The following COG5 variants were observed in gnomAD, a reference collection of about 807,000 sequenced individuals.
The protein encoded by COG5 is conserved oligomeric Golgi complex subunit 5.
COG5 carries 86 observed loss-of-function variants against 110.4 expected under a neutral mutation model. The observed-to-expected ratio is 0.78, with a 90% CI of 0.65 to 0.93. The LOEUF is 0.93. COG5 is among the 40% of genes least tolerant of loss of function. The pLI is 0.00. For synonymous variants in COG5, 360 were observed against 334.6 expected (o/e 1.08, Z -0.83); for missense variants, 1,077 against 987.0 (o/e 1.09, Z -1.22).
intron 16 of COG5, among the ~76,000 whole-genome samples, chr7:107,254,835 G>T (rs1436317303): frequency 6.6e-6 from 1 of 152,138 alleles, no homozygotes; most frequent in Non-Finnish European, 1.5e-5. Context: ...TTAATCCAGA[G>T]AATGGACCTT....
intron 6 of COG5, among the ~76,000 whole-genome samples, chr7:107,438,339 T>C (rs1289980978): frequency 6.6e-6 from 1 of 152,186 alleles, no homozygotes; most frequent in Non-Finnish European, 1.5e-5. Context: ...TTCCATTAGT[T>C]TATTCCCATA....
chr7:107,416,793 T>C (rs1792880684), intron 6 of COG5, among the ~76,000 whole-genome samples: 1 of 152,164 alleles, frequency 6.6e-6, no homozygotes, highest in African/African-American at 2.4e-5. Flanking sequence ...GATGGGACGT[T>C]ATAGGAAAAG....
At chr7:107,522,046 C>T (rs1800357834) in intron 6 of COG5, among the ~76,000 whole-genome samples, 1 of 152,144 alleles carries the variant, frequency 6.6e-6, no homozygotes, top group Non-Finnish European at 1.5e-5. Flanking sequence ...TGCACATTCT[C>T]ACTCGTAAAT....
chr7:107,457,363 A>G (rs201046620), intron 6 of COG5, among the ~76,000 whole-genome samples: 21,153 of 130,772 alleles, frequency 0.16, 1,757 homozygotes, highest in Middle Eastern at 0.24. Flanking sequence ...CTATGAGGAG[A>G]AAAAAAAAAA....
At chr7:107,348,486 GGATGGCT>G (rs1377734173) in intron 10 of COG5, among the ~76,000 whole-genome samples, 1 of 152,076 alleles carries the variant, frequency 6.6e-6, no homozygotes, top group African/African-American at 2.4e-5. Flanking sequence ...ACAGGACTGT[GGATGGCT>G]TCTAATTCTA....
intron 5 of COG5, among the ~76,000 whole-genome samples, chr7:107,544,431 C>A (rs138878556): frequency 6.6e-6 from 1 of 152,324 alleles, no homozygotes; most frequent in African/African-American, 2.4e-5. Context: ...AAGGGGCCAG[C>A]TTGGCACTGT....
At chr7:107,300,255 C>T (rs1584644261) in intron 11 of COG5, among the ~76,000 whole-genome samples, 2 of 152,024 alleles carry the variant, frequency 1.3e-5, no homozygotes, top group African/African-American at 2.4e-5. Flanking sequence ...AATACTTTTG[C>T]TCAAAAATCA....
At chr7:107,260,984 GTC>G (rs1456338320) in intron 14 of COG5, among the ~76,000 whole-genome samples, 2 of 150,388 alleles carry the variant, frequency 1.3e-5, no homozygotes, top group Admixed American at 6.6e-5. Flanking sequence ...AGGAAATATA[GTC>G]TCCCCTCAGT....
chr7:107,480,641 C>T (rs775619996), intron 6 of COG5, among the ~76,000 whole-genome samples: 1 of 151,992 alleles, frequency 6.6e-6, no homozygotes, highest in South Asian at 2.1e-4. Context: ...TGAAGATTGA[C>T]TTTTTTCTAA....
At chr7:107,316,657 CAAAAAAAA>C (rs760555445) in intron 11 of COG5, among the ~76,000 whole-genome samples, 8 of 75,918 alleles carry the variant, frequency 1.1e-4, no homozygotes, top group East Asian at 7.6e-4. Flanking sequence ...ACTAAAAATA[CAAAAAAAA>C]AAAAAAAAAA....
At chr7:107,287,884 T>C (rs1805777234) in intron 12 of COG5, among the ~76,000 whole-genome samples, 1 of 152,228 alleles carries the variant, frequency 6.6e-6, no homozygotes, top group African/African-American at 2.4e-5. Context: ...TTTCATTGTA[T>C]GAATATAGCA....
chr7:107,431,744 G>T (rs975426070), intron 6 of COG5, among the ~76,000 whole-genome samples: 4 of 151,942 alleles, frequency 2.6e-5, no homozygotes, highest in African/African-American at 9.7e-5. Context: ...CAAGCCTCAG[G>T]ATACTGAGGC....
rs1250251692 is a variant in COG5, at chr7:107,474,012, G to C, written c.538+53225C>G. On this transcript the variant is annotated intron_variant, in intron 6 of 21. Transcript: ENST00000297135. The surrounding 1 kb of genome is among the most constrained non-coding windows in gnomAD (Gnocchi z 5.7). ...CATTTAAATTGCCAAATATCAAATA[G>C]TTTATTCTATTTCACTTTCTAGGGA... 1.0e-6 allele frequency: 1 copy of C among 957,258 alleles called. No homozygotes were observed. Among genetic ancestry groups the C allele is most frequent in the Non-Finnish European group, 1.6e-6 (1 of 628,430 alleles). The allele number at this position is 957,258 out of a possible 1,614,324, so 59.3% of individuals were successfully genotyped here.
intron 6 of COG5, among the ~76,000 whole-genome samples, chr7:107,492,493 A>G (rs1470570862): frequency 6.6e-6 from 1 of 152,010 alleles, no homozygotes; most frequent in Non-Finnish European, 1.5e-5. Context: ...CTTAGGGGAG[A>G]ATCTGTTTCC....
intron 1 of COG5, among the ~76,000 whole-genome samples, chr7:107,559,400 T>C (rs1222787383): frequency 1.3e-5 from 2 of 152,114 alleles, no homozygotes; most frequent in Non-Finnish European, 1.5e-5. Flanking sequence ...TTGAGAGAGA[T>C]TATGAAACAA....
chr7:107,563,550 G>A (rs1012749513), intron 1 of COG5: 8 of 495,004 alleles, frequency 1.6e-5, no homozygotes, highest in South Asian at 6.6e-5. Flanking sequence ...GGCATGGGGG[G>A]GGGGGGGGTC....
chr7:107,524,777 C>A (rs1350416044), intron 6 of COG5, among the ~76,000 whole-genome samples: 1 of 152,160 alleles, frequency 6.6e-6, no homozygotes, highest in African/African-American at 2.4e-5. Flanking sequence ...GATCATTCCA[C>A]CATGAACTAT....
At chr7:107,401,362 G>A (rs929742603) in intron 7 of COG5, among the ~76,000 whole-genome samples, 3 of 152,004 alleles carry the variant, frequency 2.0e-5, no homozygotes, top group African/African-American at 7.2e-5. Flanking sequence ...TATTAATAAT[G>A]ATATACAATG....
In COG5 at chr7:107,541,523, A is replaced by AATATATATATATATAT. The variant is rs1554460370; in HGVS notation, c.417+6572_417+6587dup. On this transcript the variant is annotated intron_variant, in intron 5 of 21. Transcript: ENST00000297135. ...AAAAAAAAAAAAAAAAAAAAAAAAA[A>AATATATATATATATAT]ATATATATATATATATATATGTATT... Among the ~76,000 whole-genome samples, 206 of 56,922 alleles carry AATATATATATATATAT rather than the reference A, an allele frequency of 3.6e-3. 2 individuals carry two copies. Among genetic ancestry groups the AATATATATATATATAT allele is most frequent in the Non-Finnish European group, 4.7e-3 (140 of 29,924 alleles). 37.3% of individuals were successfully genotyped at this position (56,922 alleles called of 152,430 possible).
Sources: gnomAD v4.1 joint callset for allele counts (sites outside exome capture counted in the v4.1 genomes callset) on GRCh38, gnomAD v4.1.1 for gene constraint, Gnocchi (gnomAD v3.1) non-coding constraint, MANE v1.5 for transcripts, NCBI Gene and HGNC (gene_info 2026-07-23, HGNC 2026-07-21) for gene names.